The following PCED1B variants were observed in gnomAD, a reference collection of about 807,000 sequenced individuals.
The protein encoded by PCED1B is PC-esterase domain-containing protein 1B.
For synonymous variants in PCED1B, 251 were observed against 246.1 expected, an observed-to-expected ratio of 1.02 and a Z score of -0.19; for missense variants, 573 against 573.9, an observed-to-expected ratio of 1.00 and a Z score of 0.02.
chr12:47,120,840 T>C (rs78212973), intron 2 of PCED1B, among the ~76,000 whole-genome samples: 1,849 of 152,212 alleles, frequency 0.012, 20 homozygotes, highest in Non-Finnish European at 0.02. Context: ...CAATACATGC[T>C]ACAACGTGGA....
At chr12:47,169,340 A>G (rs1941644286) in intron 2 of PCED1B, among the ~76,000 whole-genome samples, 1 of 152,184 alleles carries the variant, frequency 6.6e-6, no homozygotes, top group African/African-American at 2.4e-5. Flanking sequence ...CTCTCTGAGT[A>G]TCAGGAAGGT....
chr12:47,233,769 A>G (rs922500258), intron 3 of PCED1B, among the ~76,000 whole-genome samples: 1 of 152,054 alleles, frequency 6.6e-6, no homozygotes, highest in Non-Finnish European at 1.5e-5. Context: ...GCATCTGTCG[A>G]TTTTCAGTTG....
Position 47,235,679 on chromosome 12 carries a change from A to G in PCED1B, c.616A>G (p.Lys206Glu). 2 of 1,613,292 alleles carry G rather than the reference A, an allele frequency of 1.2e-6. No homozygotes were observed. The highest frequency in any genetic ancestry group is 1.7e-6 in the Non-Finnish European group (2 of 1,179,930). Reference protein sequence around the residue: ...ANFHSATEARKHNFDVLDLHF... With the variant: ...ANFHSATEAREHNFDVLDLHF... ...CTTCCACAGCGCCACCGAGGCACGT[A>G]AACATAACTTCGATGTACTGGACTT... is the stretch of plus-strand genomic sequence containing the variant. The change falls in exon 4 of 4, where the codon AAA (lysine) becomes GAA (glutamate). Residue 206 changes from lysine to glutamate, a missense_variant. Coordinates refer to ENST00000546455, the MANE Select transcript of PCED1B (RefSeq NM_138371.3).
chr12:47,105,333 A>G (rs573631655), intron 2 of PCED1B, among the ~76,000 whole-genome samples: 2 of 152,170 alleles, frequency 1.3e-5, no homozygotes, highest in Admixed American at 6.5e-5. Context: ...CAGGCTGTGT[A>G]AGGGAGTGCA....
intron 1 of PCED1B, among the ~76,000 whole-genome samples, chr12:47,092,706 C>A (rs564227144): frequency 6.6e-6 from 1 of 151,980 alleles, no homozygotes; most frequent in African/African-American, 2.4e-5. Context: ...TAATTGATTA[C>A]GTGTTTTCAT....
intron 2 of PCED1B, among the ~76,000 whole-genome samples, chr12:47,168,535 C>A (rs1476635599): frequency 6.6e-6 from 1 of 152,042 alleles, no homozygotes; most frequent in Admixed American, 6.5e-5. Context: ...TCCTTCTTCA[C>A]TATTTTAATC....
intron 2 of PCED1B, among the ~76,000 whole-genome samples, chr12:47,186,481 A>AG (rs942675969): frequency 6.6e-6 from 1 of 151,496 alleles, no homozygotes; most frequent in Non-Finnish European, 1.5e-5. Context: ...AGGGGGGTAG[A>AG]GGGGGGCACT....
At chr12:47,150,205 G>A (rs879414838) in intron 2 of PCED1B, among the ~76,000 whole-genome samples, 8 of 152,020 alleles carry the variant, frequency 5.3e-5, no homozygotes, top group Admixed American at 5.2e-4. Context: ...ACAGTTCCAG[G>A]TACTGCTCTA....
intron 2 of PCED1B, among the ~76,000 whole-genome samples, chr12:47,117,556 C>A (rs1289089138): frequency 3.9e-5 from 6 of 152,140 alleles, no homozygotes; most frequent in African/African-American, 1.4e-4. Context: ...CATAGTATTC[C>A]ATGGTGTATA....
chr12:47,226,242 A>T (rs1744221255), intron 3 of PCED1B, among the ~76,000 whole-genome samples: 1 of 152,222 alleles, frequency 6.6e-6, no homozygotes, highest in Admixed American at 6.5e-5. Flanking sequence ...TCAGGTTGCA[A>T]TGATTGTTCA....
At chr12:47,195,806 T>A (rs117156640) in intron 2 of PCED1B, among the ~76,000 whole-genome samples, 1,775 of 152,396 alleles carry the variant, frequency 0.012, 18 homozygotes, top group Non-Finnish European at 0.02. Flanking sequence ...ATTTTATGTA[T>A]AGTTAAATAT....
intron 2 of PCED1B, among the ~76,000 whole-genome samples, chr12:47,105,688 C>T (rs1541361): frequency 0.38 from 57,848 of 151,918 alleles, 11,686 homozygotes; most frequent in Admixed American, 0.52. Context: ...AAATAGTCGA[C>T]CCTAGTTGGA....
intron 2 of PCED1B, among the ~76,000 whole-genome samples, chr12:47,129,559 G>T (rs1000966897): frequency 6.6e-6 from 1 of 151,186 alleles, no homozygotes; most frequent in African/African-American, 2.4e-5. Flanking sequence ...CTTCAGAATG[G>T]CATGCCCCTC....
chr12:47,087,625 G>A (rs1938051420), intron 1 of PCED1B, among the ~76,000 whole-genome samples: 1 of 152,120 alleles, frequency 6.6e-6, no homozygotes, highest in African/African-American at 2.4e-5. Context: ...AAAACCATGA[G>A]CCAAAGTATT....
intron 3 of PCED1B, among the ~76,000 whole-genome samples, chr12:47,231,342 A>T (rs546616234): frequency 1.1e-4 from 16 of 152,324 alleles, no homozygotes; most frequent in Admixed American, 2.6e-4. Context: ...AAATGACAGG[A>T]CAAAGGGGTA....
intron 2 of PCED1B, among the ~76,000 whole-genome samples, chr12:47,144,638 C>T (rs1368783633): frequency 6.6e-6 from 1 of 152,140 alleles, no homozygotes. Context: ...TGGCCTACTA[C>T]ACAGCTAGGC....
intron 3 of PCED1B, among the ~76,000 whole-genome samples, chr12:47,222,874 G>A (rs928784171): frequency 3.3e-5 from 5 of 152,064 alleles, no homozygotes; most frequent in Non-Finnish European, 7.4e-5. Flanking sequence ...ATTGATAAGG[G>A]GATGGTCCGT....
At chr12:47,204,261 T>A (rs1942854282) in intron 2 of PCED1B, among the ~76,000 whole-genome samples, 1 of 149,802 alleles carries the variant, frequency 6.7e-6, no homozygotes, top group Admixed American at 6.7e-5. Context: ...CATATGAATT[T>A]AAAATTTTTT....
intron 2 of PCED1B, among the ~76,000 whole-genome samples, chr12:47,110,893 A>G (rs1034080555): frequency 2.0e-5 from 3 of 152,244 alleles, no homozygotes; most frequent in Non-Finnish European, 4.4e-5. Context: ...GCAGGGAAAC[A>G]TGAGGTCATA....
Sources: gnomAD v4.1 joint callset for allele counts (sites outside exome capture counted in the v4.1 genomes callset) on GRCh38, gnomAD v4.1.1 for gene constraint, MANE v1.5 for transcripts, NCBI Gene and HGNC (gene_info 2026-07-23, HGNC 2026-07-21) for gene names.